Variants in ASTN2 observed in about 807,000 individuals in gnomAD.
ASTN2 encodes the protein astrotactin-2.
In ASTN2, 54 loss-of-function variants were observed where a neutral mutation model predicts 139.8. The ratio of observed to expected loss-of-function variants is 0.39; its 90% confidence interval spans 0.31 to 0.48. The LOEUF (loss-of-function observed/expected upper bound fraction) is 0.48. Ranked by LOEUF, ASTN2 falls within the 20% of genes least tolerant of loss-of-function variation. The pLI, the probability that ASTN2 is intolerant of heterozygous loss-of-function variation, is 0.95. For synonymous variants in ASTN2, 756 were observed against 719.5 expected, an observed-to-expected ratio of 1.05 and a Z score of -0.81; for missense variants, 1,565 against 1,725.1, an observed-to-expected ratio of 0.91 and a Z score of 1.64.
At chr9:116,714,281 G>T (rs908724922) in intron 16 of ASTN2, among the ~76,000 whole-genome samples, 7 of 152,150 alleles carry the variant, frequency 4.6e-5, no homozygotes, top group African/African-American at 1.7e-4. Context: ...AAAGCTGACA[G>T]ATTAGCCAGG....
At chr9:117,198,128 G>A (rs976334391) in intron 3 of ASTN2, among the ~76,000 whole-genome samples, 1 of 151,892 alleles carries the variant, frequency 6.6e-6, no homozygotes. Context: ...GTATACATGT[G>A]CCTTGGTGGT....
At chr9:116,867,929 C>G (rs1403489754) in intron 10 of ASTN2, among the ~76,000 whole-genome samples, 2 of 152,164 alleles carry the variant, frequency 1.3e-5, no homozygotes, top group Admixed American at 1.3e-4. Flanking sequence ...TTTCTTAACT[C>G]GGGGGCTCAA....
intron 13 of ASTN2, among the ~76,000 whole-genome samples, chr9:116,782,061 T>C (rs959232684): frequency 6.6e-6 from 1 of 152,080 alleles, no homozygotes; most frequent in African/African-American, 2.4e-5. Context: ...ACTTCTTTTG[T>C]AAGAGAAAAG....
chr9:117,027,278 C>T (rs1838115585), intron 6 of ASTN2, among the ~76,000 whole-genome samples: 1 of 152,182 alleles, frequency 6.6e-6, no homozygotes, highest in South Asian at 2.1e-4. Flanking sequence ...CTAGGTATGT[C>T]TGACTCCACA....
At chr9:117,000,266 G>A (rs1036884397) in intron 7 of ASTN2, among the ~76,000 whole-genome samples, 2 of 152,114 alleles carry the variant, frequency 1.3e-5, no homozygotes, top group African/African-American at 4.8e-5. Context: ...TATGTTAAAT[G>A]ACTTACCAAG....
chr9:116,979,803 C>T (rs1836457821), intron 7 of ASTN2, among the ~76,000 whole-genome samples: 2 of 152,040 alleles, frequency 1.3e-5, no homozygotes, highest in South Asian at 4.2e-4. Flanking sequence ...GGCTGAGGTC[C>T]CTATCTCTCC....
intron 1 of ASTN2, among the ~76,000 whole-genome samples, chr9:117,362,208 A>C (rs1027477469): frequency 2.6e-5 from 4 of 152,170 alleles, no homozygotes; most frequent in African/African-American, 9.6e-5. Flanking sequence ...TCCTGATCTC[A>C]GGTGATATAA....
Position 116,790,487 on chromosome 9 carries a change from C to T in ASTN2, c.2396+15145G>A, listed in dbSNP as rs544434306. ...TGACCCACCTTGACTTTCACGTCTG[C>T]AGACCCTCTTTGTTCTCATTTGCCT... On this transcript the variant is annotated intron_variant, in intron 13 of 22. Transcript: ENST00000313400. Among the ~76,000 whole-genome samples the T allele has an allele frequency of 5.9e-5, 9 of 152,188 alleles. No homozygotes were observed. The East Asian group carries it at 1.7e-3, about 30-fold the overall frequency.
intron 13 of ASTN2, among the ~76,000 whole-genome samples, chr9:116,738,191 CAA>C (rs35053036): frequency 6.0e-5 from 7 of 116,094 alleles, no homozygotes; most frequent in Non-Finnish European, 3.6e-5. Context: ...GACTCCGTCT[CAA>C]AAAAAAAAAA....
chr9:116,746,850 G>A (rs372021192), intron 13 of ASTN2, among the ~76,000 whole-genome samples: 6 of 152,148 alleles, frequency 3.9e-5, no homozygotes, highest in South Asian at 2.1e-4. Flanking sequence ...CAAGAACTAC[G>A]TCTGTCTTAT....
intron 2 of ASTN2, among the ~76,000 whole-genome samples, chr9:117,216,739 A>G (rs1475637855): frequency 6.6e-6 from 1 of 152,122 alleles, no homozygotes; most frequent in African/African-American, 2.4e-5. Flanking sequence ...AGAAATAAGA[A>G]AAGAAGGAGA....
At chr9:117,319,412 A>AAAATTAATGC (rs1456155853) in intron 1 of ASTN2, among the ~76,000 whole-genome samples, 1 of 152,054 alleles carries the variant, frequency 6.6e-6, no homozygotes, top group East Asian at 1.9e-4. Flanking sequence ...ATCCCAGTCT[A>AAAATTAATGC]CTTCACAAGG....
At chr9:116,427,601 G>C (rs559462889) in intron 22 of ASTN2, among the ~76,000 whole-genome samples, 1 of 152,230 alleles carries the variant, frequency 6.6e-6, no homozygotes, top group African/African-American at 2.4e-5. Context: ...AGGAGGGAAG[G>C]AGTTTTACAA....
chr9:117,263,255 C>T (rs955856637), intron 2 of ASTN2, among the ~76,000 whole-genome samples: 1 of 151,930 alleles, frequency 6.6e-6, no homozygotes, highest in African/African-American at 2.4e-5. Flanking sequence ...AGATTTTGCC[C>T]AAAAATGAAA....
chr9:116,623,126 T>C (rs995127353), intron 17 of ASTN2, among the ~76,000 whole-genome samples: 1 of 143,870 alleles, frequency 7.0e-6, no homozygotes, highest in Non-Finnish European at 1.5e-5. Flanking sequence ...ACCCCAGCAA[T>C]GGGAAGAGAG....
chr9:116,828,858 G>A (rs567431476), intron 11 of ASTN2, among the ~76,000 whole-genome samples: 1 of 152,190 alleles, frequency 6.6e-6, no homozygotes, highest in East Asian at 1.9e-4. Flanking sequence ...GAAATCAGTA[G>A]CATTTCTATA....
At chr9:117,004,909 C>T (rs182849966) in intron 7 of ASTN2, among the ~76,000 whole-genome samples, 11 of 152,158 alleles carry the variant, frequency 7.2e-5, no homozygotes, top group Non-Finnish European at 8.8e-5. Context: ...ACAATAAGAA[C>T]ATCATTTATT....
At chr9:116,910,567 C>T (rs1364815772) in intron 10 of ASTN2, among the ~76,000 whole-genome samples, 1 of 152,176 alleles carries the variant, frequency 6.6e-6, no homozygotes, top group East Asian at 1.9e-4. Flanking sequence ...CCTCAGTAAC[C>T]TTCAGCACTG....
chr9:116,675,534 A>G (rs1471049061), intron 16 of ASTN2, among the ~76,000 whole-genome samples: 1 of 152,278 alleles, frequency 6.6e-6, no homozygotes, highest in Admixed American at 6.5e-5. Flanking sequence ...GAGACTTCTC[A>G]TTCAGGAGGA....
Sources: gnomAD v4.1 joint callset for allele counts (sites outside exome capture counted in the v4.1 genomes callset) on GRCh38, gnomAD v4.1.1 for gene constraint, MANE v1.5 for transcripts, NCBI Gene and HGNC (gene_info 2026-07-23, HGNC 2026-07-21) for gene names.